AGTPBP1: variants seen among roughly 807,000 people sequenced by gnomAD.
AGTPBP1 encodes the protein cytosolic carboxypeptidase 1.
A neutral mutation model predicts 143.9 loss-of-function variants in AGTPBP1; 70 were observed. The ratio of observed to expected loss-of-function variants is 0.49; its 90% CI spans 0.40 to 0.59. AGTPBP1 has a LOEUF of 0.59. Ranked by LOEUF, AGTPBP1 falls within the 20% of genes least tolerant of loss-of-function variation. The pLI is 0.00. For missense variants in AGTPBP1, 1,229 were observed against 1,464.5 expected, an observed-to-expected ratio of 0.84 and a Z score of 2.62; for synonymous variants, 463 against 500.2, an observed-to-expected ratio of 0.93 and a Z score of 0.99.
Position 85,660,538 on chromosome 9 carries a change from G to A in AGTPBP1, c.700+398C>T, listed in dbSNP as rs531314827. On this transcript the variant is annotated intron_variant, in intron 9 of 25. Transcript: ENST00000357081. ...TTTATGGTAGAAATAAAATCTGTAG[G>A]GTTCTAAGTCACTCACAAAATCAGA... Among the ~76,000 whole-genome samples, 3 of 152,062 alleles carry A rather than the reference G, an allele frequency of 2.0e-5. No individual in the cohort carries two copies. In the South Asian group the frequency reaches 6.2e-4, roughly 32 times the overall value.
At chr9:85,787,354 C>T in the AGTPBP1 span, among the ~76,000 whole-genome samples, 3 of 152,016 alleles carry the variant, frequency 2.0e-5, no homozygotes, top group African/African-American at 4.8e-5. Context: ...TCTAACATTT[C>T]AAGAGAAAGA....
intron 17 of AGTPBP1, among the ~76,000 whole-genome samples, chr9:85,600,452 C>T (rs1288477068): frequency 1.3e-5 from 2 of 152,158 alleles, no homozygotes; most frequent in Non-Finnish European, 2.9e-5. Flanking sequence ...TAGATAACCA[C>T]ACTTAAAATA....
chr9:85,550,190 TGTGTGAGA>T (rs1825953945), intron 25 of AGTPBP1, among the ~76,000 whole-genome samples: 1 of 122,044 alleles, frequency 8.2e-6, no homozygotes, highest in African/African-American at 3.2e-5. Context: ...AGTGTGTGTG[TGTGTGAGA>T]GAGAGAGAGA....
upstream of AGTPBP1, among the ~76,000 whole-genome samples, chr9:85,743,250 G>A (rs1172630012): frequency 6.6e-6 from 1 of 152,180 alleles, no homozygotes; most frequent in African/African-American, 2.4e-5. Context: ...GTTTCTAAAT[G>A]AGTCAACCTG....
chr9:85,746,764 A>G (rs1332073149), upstream of AGTPBP1, among the ~76,000 whole-genome samples: 1 of 152,204 alleles, frequency 6.6e-6, no homozygotes. Context: ...ACAAAAAAAA[A>G]ACCAAAATGC....
At chr9:85,718,783 T>C (rs376334533) in intron 1 of AGTPBP1, among the ~76,000 whole-genome samples, 14 of 152,342 alleles carry the variant, frequency 9.2e-5, no homozygotes, top group Admixed American at 3.3e-4. Flanking sequence ...GGTTTTCTTC[T>C]AGGTTTTTAT....
At chr9:85,612,668 T>C (rs1327986144) in intron 17 of AGTPBP1, among the ~76,000 whole-genome samples, 2 of 152,138 alleles carry the variant, frequency 1.3e-5, no homozygotes, top group Admixed American at 1.3e-4. Context: ...TACTTTTGAC[T>C]GGCATCTGTA....
At chr9:85,683,376 A>T (rs2134180685) in intron 3 of AGTPBP1, among the ~76,000 whole-genome samples, 1 of 152,312 alleles carries the variant, frequency 6.6e-6, no homozygotes, top group African/African-American at 2.4e-5. Flanking sequence ...AAGGCCCCTG[A>T]TTTAATATTA....
At chr9:85,617,208 G>A (rs2133500577) in intron 17 of AGTPBP1, among the ~76,000 whole-genome samples, 1 of 152,170 alleles carries the variant, frequency 6.6e-6, no homozygotes, top group Non-Finnish European at 1.5e-5. Context: ...TCATATTCAT[G>A]CTTTTAATAA....
chr9:85,700,742 T>C (rs1836588650), intron 2 of AGTPBP1, among the ~76,000 whole-genome samples: 1 of 152,140 alleles, frequency 6.6e-6, no homozygotes, highest in South Asian at 2.1e-4. Flanking sequence ...GACCCAGAGA[T>C]AGAAGTCACA....
intron 7 of AGTPBP1, 120 bp downstream of exon 7, chr9:85,672,430 T>C (rs940148886): frequency 2.6e-6 from 3 of 1,151,274 alleles, no homozygotes; most frequent in Non-Finnish European, 3.6e-6. Context: ...AAATGAGCCA[T>C]ATTAAATCTT....
chr9:85,747,695 T>A, the AGTPBP1 span, among the ~76,000 whole-genome samples: 1 of 152,116 alleles, frequency 6.6e-6, no homozygotes, highest in Admixed American at 6.5e-5. Flanking sequence ...AGAGTATGAG[T>A]TTAATTGCAG....
chr9:85,672,993 C>T (rs1432431682), intron 6 of AGTPBP1, among the ~76,000 whole-genome samples: 1 of 152,028 alleles, frequency 6.6e-6, no homozygotes, highest in African/African-American at 2.4e-5. Flanking sequence ...CCTTGGCCTC[C>T]CAAAGTGCTG....
intron 1 of AGTPBP1, among the ~76,000 whole-genome samples, chr9:85,729,355 A>G (rs1280597692): frequency 1.3e-5 from 2 of 152,206 alleles, no homozygotes; most frequent in Non-Finnish European, 2.9e-5. Flanking sequence ...CTACAACATA[A>G]ATGAACCTTG....
chr9:85,720,090 G>A (rs1039484556), intron 1 of AGTPBP1, among the ~76,000 whole-genome samples: 6 of 152,122 alleles, frequency 3.9e-5, no homozygotes, highest in Non-Finnish European at 7.4e-5. Context: ...TTTTTGCATC[G>A]ATGTTCATCA....
intron 8 of AGTPBP1, among the ~76,000 whole-genome samples, chr9:85,666,164 C>A (rs1455709300): frequency 4.6e-5 from 7 of 152,108 alleles, no homozygotes; most frequent in Non-Finnish European, 1.5e-5. Context: ...TCCCCAGGTA[C>A]TAATGAAGTG....
At chr9:85,804,240 T>C in the AGTPBP1 span, among the ~76,000 whole-genome samples, 1 of 152,196 alleles carries the variant, frequency 6.6e-6, no homozygotes, top group Non-Finnish European at 1.5e-5. Flanking sequence ...CTTTGTCTTT[T>C]CTACCTCTCA....
intron 2 of AGTPBP1, among the ~76,000 whole-genome samples, chr9:85,709,654 G>A (rs1002925079): frequency 6.6e-6 from 1 of 152,152 alleles, no homozygotes; most frequent in Admixed American, 6.5e-5. Flanking sequence ...GAAAACAAAA[G>A]TTAACAGATT....
intron 1 of AGTPBP1, among the ~76,000 whole-genome samples, chr9:85,726,516 G>C (rs1056805363): frequency 7.2e-5 from 11 of 152,194 alleles, no homozygotes; most frequent in Non-Finnish European, 1.5e-4. Context: ...CAGTAAGGTT[G>C]GTAAAGAACT....
Sources: gnomAD v4.1 joint callset for allele counts (sites outside exome capture counted in the v4.1 genomes callset) on GRCh38, gnomAD v4.1.1 for gene constraint, MANE v1.5 for transcripts, NCBI Gene and HGNC (gene_info 2026-07-23, HGNC 2026-07-21) for gene names.